Variants in CCDC181 observed in about 807,000 individuals in gnomAD.
The protein encoded by CCDC181 is coiled-coil domain-containing protein 181.
CCDC181 carries 35 observed loss-of-function variants against 58.7 expected under a neutral mutation model. The observed-to-expected ratio is 0.60, with a 90% confidence interval of 0.46 to 0.79. The LOEUF is 0.79. Ranked by LOEUF, CCDC181 falls within the 30% of genes least tolerant of loss-of-function variation. The probability of loss-of-function intolerance (pLI) is 0.00; values close to 1 mark genes in which losing one functional copy is unlikely to be tolerated. For synonymous variants in CCDC181, 183 were observed against 197.5 expected, an observed-to-expected ratio of 0.93 and a Z score of 0.62; for missense variants, 517 against 583.9, an observed-to-expected ratio of 0.89 and a Z score of 1.18.
chr1:169,416,219 G>C (rs894173692), intron 4 of CCDC181, among the ~76,000 whole-genome samples: 2 of 152,142 alleles, frequency 1.3e-5, no homozygotes, highest in African/African-American at 4.8e-5. Context: ...GCCTCCCTTT[G>C]CTGGGGGTAG....
At chr1:169,419,829 A>T (rs1434404199) in intron 3 of CCDC181, among the ~76,000 whole-genome samples, 1 of 152,214 alleles carries the variant, frequency 6.6e-6, no homozygotes, top group Non-Finnish European at 1.5e-5. Context: ...GGAGTTGCCA[A>T]AGAGAACACT....
rs140518076 is a variant in CCDC181 at position 169,419,045 on chromosome 1, G to A, written c.1183C>T (p.Arg395Ter). ...TTCATGTCTTCAATTTCCTTTGCTC[G>A]CTGAATTCTCCTCATTTCTAAGACC... ...EQVLEMRRIQ[R>*]AKEIEDMNSR... The change falls in exon 4 of 6, where the codon CGA (arginine) becomes TGA (stop). Residue 395 changes from arginine (R) to a stop codon, truncating the protein, a stop_gained. Coordinates refer to ENST00000367806, the MANE Select transcript of CCDC181 (RefSeq NM_001300969.2). LOFTEE classifies it high-confidence loss of function. 24 of 1,613,242 alleles carry A rather than the reference G, an allele frequency of 1.5e-5. No homozygotes were observed. Among genetic ancestry groups the A allele is most frequent in the Admixed American group, 3.3e-5 (2 of 59,942 alleles).
chr1:169,401,285 G>A (rs1470256675), intron 4 of CCDC181, among the ~76,000 whole-genome samples: 2 of 152,206 alleles, frequency 1.3e-5, no homozygotes, highest in Non-Finnish European at 2.9e-5. Flanking sequence ...CAGTCTGACA[G>A]CTTTGAAGAG....
At chr1:169,436,952 T>C (rs1335148471) in intron 2 of CCDC181, among the ~76,000 whole-genome samples, 3 of 152,002 alleles carry the variant, frequency 2.0e-5, no homozygotes, top group Admixed American at 6.6e-5. Context: ...AGAGTGACAA[T>C]AAAATGATTT....
chr1:169,436,175 A>G (rs183179958), intron 2 of CCDC181, among the ~76,000 whole-genome samples: 18 of 152,344 alleles, frequency 1.2e-4, no homozygotes, highest in Admixed American at 2.6e-4. Flanking sequence ...GATAATTTCA[A>G]AAAAGAAAAA....
intron 4 of CCDC181, among the ~76,000 whole-genome samples, chr1:169,411,320 C>T (rs903405158): frequency 6.6e-6 from 1 of 152,130 alleles, no homozygotes; most frequent in African/African-American, 2.4e-5. Context: ...CACATACACC[C>T]TCCCAAGACT....
chr1:169,398,831 G>A lies in CCDC181; in HGVS notation c.1216-1440C>T, dbSNP rs541386801. 7.9e-5 allele frequency among the ~76,000 whole-genome samples: 12 copies of A among 152,302 alleles called. No individual in the cohort carries two copies. In the East Asian group the frequency reaches 2.3e-3, roughly 29 times the overall value. On this transcript the variant is annotated intron_variant, in intron 4 of 5. Coordinates refer to ENST00000367806, the MANE Select transcript of CCDC181 (RefSeq NM_001300969.2). ...GACTGATTGATTGACTGATCTGTCT[G>A]ATTCAAAAGAAAATATGGGAAGGAG...
At chr1:169,403,884 G>T (rs1288167419) in intron 4 of CCDC181, among the ~76,000 whole-genome samples, 1 of 152,062 alleles carries the variant, frequency 6.6e-6, no homozygotes, top group Non-Finnish European at 1.5e-5. Flanking sequence ...CTGGTTTTTT[G>T]AAAAGATCAG....
intron 4 of CCDC181, among the ~76,000 whole-genome samples, chr1:169,407,778 G>A (rs535610220): frequency 1.3e-5 from 2 of 152,254 alleles, no homozygotes; most frequent in East Asian, 3.9e-4. Context: ...ACCCACAGAG[G>A]GTGAGCCGAG....
chr1:169,404,085 A>G lies in CCDC181; in HGVS notation c.1216-6694T>C, dbSNP rs1243118091. On this transcript the variant is annotated intron_variant, in intron 4 of 5. Transcript: ENST00000367806. ...AGAAGAAATGGATAAACTCCTGGAC[A>G]CATACACCCTCCCAAGACTAAACCA... is the stretch of plus-strand genomic sequence containing the variant. 3.9e-5 allele frequency among the ~76,000 whole-genome samples: 6 copies of G among 152,232 alleles called. No homozygotes were observed. The East Asian group carries it at 1.2e-3, about 29-fold the overall frequency.
At chr1:169,415,484 A>G (rs1656173951) in intron 4 of CCDC181, among the ~76,000 whole-genome samples, 1 of 152,116 alleles carries the variant, frequency 6.6e-6, no homozygotes, top group South Asian at 2.1e-4. Flanking sequence ...TAAATTTCCT[A>G]TCTTATGCAA....
chr1:169,408,484 A>G lies in CCDC181; in HGVS notation c.1215+10529T>C, dbSNP rs538135655. ...GCGGGCACAGCTTCAGCAGACTTCA[A>G]TGTCCCTGCCTGCCAGCTCTGAAGA... On this transcript the variant is annotated intron_variant, in intron 4 of 5. Transcript: ENST00000367806. 7.9e-5 allele frequency among the ~76,000 whole-genome samples: 12 copies of G among 152,344 alleles called. No individual in the cohort carries two copies. In the East Asian group the frequency reaches 1.9e-3, roughly 25 times the overall value.
intron 4 of CCDC181, among the ~76,000 whole-genome samples, chr1:169,402,506 A>G (rs1411294438): frequency 3.3e-5 from 5 of 152,204 alleles, no homozygotes; most frequent in Non-Finnish European, 7.3e-5. Context: ...AATATTCAAC[A>G]TTCTTAAAGA....
At chr1:169,419,291 C>T (rs1310272821) in intron 3 of CCDC181, 132 bp from the exon 4 acceptor site, 4 of 1,118,704 alleles carry the variant, frequency 3.6e-6, no homozygotes, top group South Asian at 1.7e-5. Context: ...GAAAACTGGT[C>T]CTTCTAGGCC....
chr1:169,417,358 G>C (rs780687837), intron 4 of CCDC181, among the ~76,000 whole-genome samples: 9 of 152,128 alleles, frequency 5.9e-5, no homozygotes, highest in Non-Finnish European at 1.3e-4. Context: ...TGATTAATTT[G>C]CTAGAGCAAC....
chr1:169,459,905 G>GAAAAAACAAAAAAAAA (rs1553210867), intron 1 of CCDC181: 3 of 75,180 alleles, frequency 4.0e-5, no homozygotes, highest in Non-Finnish European at 7.7e-5. Context: ...TTGAAATTAG[G>GAAAAAACAAAAAAAAA]AAAAAAAAAA....
chr1:169,458,169 A>ATTTTT (rs1397141241), intron 2 of CCDC181, among the ~76,000 whole-genome samples: 3 of 110,164 alleles, frequency 2.7e-5, no homozygotes, highest in East Asian at 7.7e-4. Flanking sequence ...GGCAAAAGTA[A>ATTTTT]TTTTTGTTTT....
intron 2 of CCDC181, among the ~76,000 whole-genome samples, chr1:169,434,715 T>G (rs2101741956): frequency 6.6e-6 from 1 of 152,126 alleles, no homozygotes; most frequent in South Asian, 2.1e-4. Context: ...AACATCATAT[T>G]CAATAGTGAA....
rs761653325 is a variant in CCDC181 at position 169,422,247 on chromosome 1, T to C, written c.184A>G (p.Thr62Ala). The change falls in exon 3 of 6, where the codon ACC (threonine) becomes GCC (alanine). Residue 62 changes from threonine (T) to alanine (A), a missense_variant. Coordinates refer to ENST00000367806, the MANE Select transcript of CCDC181 (RefSeq NM_001300969.2). Reference protein sequence around the residue: ...LKENETVMEHTKRHSDPDKSL... With the variant: ...LKENETVMEHAKRHSDPDKSL... The stretch of plus-strand genomic sequence containing the variant: ...TTGTCAGGATCAGAATGCCGTTTGG[T>C]GTGCTCCATTACTGTCTCATTCTCT... 2.5e-6 allele frequency: 4 copies of C among 1,612,328 alleles called. No homozygotes were observed. In the Admixed American group the frequency reaches 6.7e-5, roughly 27 times the overall value.
Sources: allele counts gnomAD v4.1 joint callset (sites outside exome capture counted in the v4.1 genomes callset), GRCh38; gene constraint gnomAD v4.1.1; transcripts MANE v1.5; gene names NCBI Gene and HGNC (gene_info 2026-07-23, HGNC 2026-07-21).